LMBRD1: variants seen among roughly 807,000 people sequenced by gnomAD.
LMBRD1 encodes the protein LMBR1 domain containing 1, also known as lysosomal cobalamin transport escort protein LMBD1.
Under a neutral mutation model 74.8 loss-of-function variants are expected in LMBRD1, and 64 were observed. That is an observed-to-expected ratio of 0.86 (90% CI 0.70 to 1.05). The LOEUF (loss-of-function observed/expected upper bound fraction) is 1.05. Among genes scored for constraint, LMBRD1 ranks in the 50% least tolerant of loss-of-function variants. The pLI, the probability that LMBRD1 is intolerant of heterozygous loss-of-function variation, is 0.00. For synonymous variants in LMBRD1, 204 were observed against 216.3 expected (o/e 0.94, Z 0.50); for missense variants, 652 against 645.9 (o/e 1.01, Z -0.10).
chr6:69,710,446 T>G (rs1766358425), intron 9 of LMBRD1, among the ~76,000 whole-genome samples: 1 of 152,144 alleles, frequency 6.6e-6, no homozygotes, highest in African/African-American at 2.4e-5. Context: ...CAAACATTTC[T>G]GAGGACACAA....
intron 9 of LMBRD1, among the ~76,000 whole-genome samples, chr6:69,712,511 A>G (rs191350662): frequency 1.3e-5 from 2 of 152,184 alleles, no homozygotes; most frequent in East Asian, 3.9e-4. Flanking sequence ...ATTCATAAAG[A>G]AAATGTCACA....
intron 3 of LMBRD1, among the ~76,000 whole-genome samples, chr6:69,772,319 G>C (rs1237161436): frequency 6.6e-6 from 1 of 152,118 alleles, no homozygotes; most frequent in Non-Finnish European, 1.5e-5. Context: ...TCAGAAGAAA[G>C]AGAACGAACC....
intron 14 of LMBRD1, among the ~76,000 whole-genome samples, chr6:69,695,780 C>T (rs1364639148): frequency 6.6e-6 from 1 of 151,626 alleles, no homozygotes; most frequent in Non-Finnish European, 1.5e-5. Flanking sequence ...TCCACCTGAA[C>T]ATTTTTGAGA....
At chr6:69,760,370 A>G (rs1582133698) in intron 3 of LMBRD1, among the ~76,000 whole-genome samples, 2 of 152,232 alleles carry the variant, frequency 1.3e-5, no homozygotes, top group East Asian at 3.8e-4. Flanking sequence ...AAGTAAGAAT[A>G]TAACATGATA....
At chr6:69,737,196 G>C (rs972606594) in intron 7 of LMBRD1, among the ~76,000 whole-genome samples, 2 of 152,038 alleles carry the variant, frequency 1.3e-5, no homozygotes, top group African/African-American at 2.4e-5. Context: ...AATTAAGAGT[G>C]CTTCAACATA....
At chr6:69,767,309 T>C (rs985395239) in intron 3 of LMBRD1, among the ~76,000 whole-genome samples, 2 of 151,742 alleles carry the variant, frequency 1.3e-5, no homozygotes, top group Non-Finnish European at 3.0e-5. Context: ...TAGTTGAGAA[T>C]TCTTTTTTAA....
intron 3 of LMBRD1, 38 bp from the exon 4 acceptor site, chr6:69,752,394 C>T (rs1765178050): frequency 6.7e-7 from 1 of 1,491,208 alleles, no homozygotes; most frequent in South Asian, 1.1e-5. Context: ...TTACTAAATA[C>T]ATATGTACTT....
At chr6:69,707,711 C>G (rs1428774130) in intron 9 of LMBRD1, among the ~76,000 whole-genome samples, 1 of 151,978 alleles carries the variant, frequency 6.6e-6, no homozygotes, top group Non-Finnish European at 1.5e-5. Flanking sequence ...CATATTTAGT[C>G]TCAATAATAT....
At chr6:69,774,983 AAGGAAGGGAGGGAGGGAGGGAGGGAGGG>A (rs1458894191) in intron 3 of LMBRD1, among the ~76,000 whole-genome samples, 3 of 36,916 alleles carry the variant, frequency 8.1e-5, no homozygotes, top group Non-Finnish European at 1.4e-4. Flanking sequence ...GGAAGGAAGG[AAGGAAGGGAGGGAGGGAGGGAGGGAGGG>A]AGGGAGGGAG....
At chr6:69,688,409 T>C (rs1765810526) in intron 14 of LMBRD1, among the ~76,000 whole-genome samples, 1 of 151,836 alleles carries the variant, frequency 6.6e-6, no homozygotes, top group South Asian at 2.1e-4. Context: ...GAGATTTTTT[T>C]TTTTTTTCAC....
intron 3 of LMBRD1, among the ~76,000 whole-genome samples, chr6:69,767,370 T>C (rs2149885892): frequency 6.6e-6 from 1 of 151,804 alleles, no homozygotes; most frequent in Non-Finnish European, 1.5e-5. Context: ...TTGAGCTATA[T>C]CCCGTAAATT....
chr6:69,774,016 G>C (rs1327686672), intron 3 of LMBRD1, among the ~76,000 whole-genome samples: 3 of 152,194 alleles, frequency 2.0e-5, no homozygotes, highest in Non-Finnish European at 2.9e-5. Context: ...GTCAAGAGAA[G>C]AAAGTCTATG....
intron 14 of LMBRD1, among the ~76,000 whole-genome samples, chr6:69,677,460 G>C (rs1442939833): frequency 6.6e-6 from 1 of 152,108 alleles, no homozygotes; most frequent in Admixed American, 6.6e-5. Context: ...TCTATGACAT[G>C]GTTGGGGGAA....
intron 3 of LMBRD1, among the ~76,000 whole-genome samples, chr6:69,754,309 A>G (rs1765227386): frequency 6.6e-6 from 1 of 152,194 alleles, no homozygotes; most frequent in Non-Finnish European, 1.5e-5. Context: ...GAAAAAATGC[A>G]TGTTAGTAAT....
intron 3 of LMBRD1, among the ~76,000 whole-genome samples, chr6:69,769,783 T>C (rs1765542667): frequency 1.3e-5 from 2 of 151,918 alleles, no homozygotes; most frequent in Non-Finnish European, 2.9e-5. Flanking sequence ...AAAAAATATA[T>C]ATTTATTTAA....
At position 69,779,570 on chromosome 6, in the gene LMBRD1, A is replaced by G. The variant is rs375319883; in HGVS notation, c.307+924T>C. ...CCAGAGACTGCAGTCTACTAATGGCAATACTTAGAAAAAATTTTTAGAAAA... is the reference window on the plus strand; with the variant it reads ...CCAGAGACTGCAGTCTACTAATGGCGATACTTAGAAAAAATTTTTAGAAAA... On this transcript the variant is annotated intron_variant, in intron 3 of 15. Coordinates refer to ENST00000649934, the MANE Select transcript of LMBRD1 (RefSeq NM_018368.4). Among the ~76,000 whole-genome samples, 6 of 152,304 alleles carry G rather than the reference A, an allele frequency of 3.9e-5. No homozygotes were observed. The East Asian group carries it at 1.2e-3, about 29-fold the overall frequency.
rs1766232505 is a variant in LMBRD1 at position 69,705,481 on chromosome 6, G to GT, written c.916-3529dup. The stretch of plus-strand genomic sequence containing the variant: ...TTTGGTGTTTTAGGAGATTTTTCCT[G>GT]TTTTTTGAAGGATTCTTACCCGTTT... On this transcript the variant is annotated intron_variant, in intron 9 of 15. Coordinates refer to ENST00000649934, the MANE Select transcript of LMBRD1 (RefSeq NM_018368.4). The GT allele has an allele frequency of 4.7e-6, 6 of 1,263,764 alleles. No individual in the cohort carries two copies. In the African/African-American group the frequency reaches 6.1e-5, roughly 13 times the overall value. The allele number at this position is 1,263,764 out of a possible 1,614,324, so 78.3% of individuals were successfully genotyped here.
intron 8 of LMBRD1, among the ~76,000 whole-genome samples, chr6:69,716,985 C>A (rs1766505559): frequency 6.6e-6 from 1 of 151,572 alleles, no homozygotes; most frequent in African/African-American, 2.4e-5. Flanking sequence ...TTTATATACT[C>A]ACAAACAGTC....
At chr6:69,774,866 G>A (rs1582149545) in intron 3 of LMBRD1, among the ~76,000 whole-genome samples, 1 of 151,160 alleles carries the variant, frequency 6.6e-6, no homozygotes, top group Admixed American at 6.6e-5. Context: ...GCCAAGGTGG[G>A]AGTACTGCTT....
Sources: allele counts gnomAD v4.1 joint callset (sites outside exome capture counted in the v4.1 genomes callset), GRCh38; gene constraint gnomAD v4.1.1; transcripts MANE v1.5; gene names NCBI Gene and HGNC (gene_info 2026-07-23, HGNC 2026-07-21).